The following TFF3 variants were observed in gnomAD, a reference collection of about 807,000 sequenced individuals.
The protein encoded by TFF3 is trefoil factor 3.
Under a neutral mutation model 9.7 loss-of-function variants are expected in TFF3, and 6 were observed. The ratio of observed to expected loss-of-function variants is 0.62; its 90% CI spans 0.34 to 1.22. The LOEUF is 1.22. Ranked by LOEUF, TFF3 falls within the 50% of genes most tolerant of loss-of-function variation. The probability of loss-of-function intolerance (pLI) is 0.04; values close to 1 mark genes in which losing one functional copy is unlikely to be tolerated. For synonymous variants in TFF3, 48 were observed against 41.4 expected, an observed-to-expected ratio of 1.16 and a Z score of -0.61; for missense variants, 93 against 98.6, an observed-to-expected ratio of 0.94 and a Z score of 0.24.
chr21:42,314,766 G>A (rs139058195), intron 1 of TFF3, among the ~76,000 whole-genome samples: 11 of 152,262 alleles, frequency 7.2e-5, no homozygotes, highest in African/African-American at 2.2e-4. Flanking sequence ...CTGCAAGTTC[G>A]GGAACCACTG....
rs117527710 is a variant in TFF3 at position 42,312,388 on chromosome 21, G to A, written c.230-119C>T. 7.9e-3 allele frequency: 10,016 copies of A among 1,268,936 alleles called. 58 individuals are homozygous for A. Among genetic ancestry groups the A allele is most frequent in the Non-Finnish European group, 9.5e-3 (8,716 of 920,952 alleles). 78.6% of individuals were successfully genotyped at this position (1,268,936 alleles called of 1,614,324 possible). ...GTGCTGCCTCCTCCCCAGAGTCACC[G>A]GGGAGTGTTGAGTCCCCACCACATG... On this transcript the variant is annotated intron_variant, in intron 2 of 2. Coordinates refer to ENST00000518498, the MANE Select transcript of TFF3 (RefSeq NM_003226.4).
chr21:42,311,868 G>C lies in TFF3; in HGVS notation c.*388C>G, dbSNP rs994372017. 2.7e-6 allele frequency: 1 copy of C among 364,326 alleles called. No individual in the cohort carries two copies. Among genetic ancestry groups the C allele is most frequent in the Non-Finnish European group, 5.1e-6 (1 of 197,954 alleles). 22.6% of individuals were successfully genotyped at this position (364,326 alleles called of 1,614,324 possible). On this transcript the variant is annotated 3_prime_UTR_variant, in exon 3 of 3. Transcript: ENST00000518498. Reference sequence around the variant, plus strand: ...ATTTTTTCTGCTTTCCCGAGGAAGCGGCACTTACAGTGTTCCTAGGCTTTC... The same window carrying C: ...ATTTTTTCTGCTTTCCCGAGGAAGCCGCACTTACAGTGTTCCTAGGCTTTC...
At chr21:42,312,302 C>T (rs780872091) in intron 2 of TFF3, 33 bp from the exon 3 acceptor site, 4 of 1,572,298 alleles carry the variant, frequency 2.5e-6, no homozygotes, top group Non-Finnish European at 3.5e-6. Flanking sequence ...TGTGAGCAGT[C>T]TCTCTCCACC....
Position 42,313,395 on chromosome 21 carries a change from C to T in TFF3, c.229+90G>A. 2 of 1,474,824 alleles carry T rather than the reference C, an allele frequency of 1.4e-6. No homozygotes were observed. The highest frequency in any genetic ancestry group is 4.8e-5 in the East Asian group (2 of 41,260). The allele number at this position is 1,474,824 out of a possible 1,614,324, so 91.4% of individuals were successfully genotyped here. A position where few individuals can be genotyped will look rare whatever the true frequency, so the allele number is the denominator to read the frequency against. On this transcript the variant is annotated intron_variant, in intron 2 of 2. Coordinates refer to ENST00000518498, the MANE Select transcript of TFF3 (RefSeq NM_003226.4). This position sits in a 1 kb window ranked among gnomAD's most constrained non-coding sequence, Gnocchi z 4.0. ...GTGTGGCTTCCTGGGGTCCTTGTGCCTCCATCTCCAGCCCAGAAAGGACAG... is the reference window on the plus strand; with the variant it reads ...GTGTGGCTTCCTGGGGTCCTTGTGCTTCCATCTCCAGCCCAGAAAGGACAG...
Position 42,312,321 on chromosome 21 carries a change from C to T in TFF3, c.230-52G>A. The T allele has an allele frequency of 3.2e-6, 5 of 1,547,262 alleles. No individual in the cohort carries two copies. In the South Asian group the frequency reaches 6.3e-5, roughly 20 times the overall value. On this transcript the variant is annotated intron_variant, in intron 2 of 2. Coordinates refer to ENST00000518498, the MANE Select transcript of TFF3 (RefSeq NM_003226.4). ...AGCAGTCTCTCTCCACCCACGCTGC[C>T]CAGCTTCCCAAGGTCAGGGCAGGCT...
Position 42,312,113 on chromosome 21 carries a change from C to T in TFF3, c.*143G>A, listed in dbSNP as rs552818833. On this transcript the variant is annotated 3_prime_UTR_variant, in exon 3 of 3. Transcript: ENST00000518498. ...GACCTTTATTCGTTAAGACATCAGG[C>T]TCCAGATATGAACTTTCAGCAGAAG... 2 of 1,105,848 alleles carry T rather than the reference C, an allele frequency of 1.8e-6. No individual in the cohort carries two copies. Among genetic ancestry groups the T allele is most frequent in the Non-Finnish European group, 2.8e-6 (2 of 718,496 alleles). 68.5% of individuals were successfully genotyped at this position (1,105,848 alleles called of 1,614,324 possible). A position where few individuals can be genotyped will look rare whatever the true frequency, so the allele number is the denominator to read the frequency against.
In TFF3 at chr21:42,313,599, T is replaced by C. The variant is rs377242858; in HGVS notation, c.115A>G (p.Arg39Gly). 6.2e-7 allele frequency: 1 copy of C among 1,610,792 alleles called. No individual in the cohort carries two copies. The highest frequency in any genetic ancestry group is 8.5e-7 in the Non-Finnish European group (1 of 1,179,378). The change falls in exon 2 of 3, where the codon AGG (arginine) becomes GGG (glycine). Residue 39 changes from arginine (R) to glycine (G), a missense_variant. Coordinates refer to ENST00000518498, the MANE Select transcript of TFF3 (RefSeq NM_003226.4). This position sits in a 1 kb window ranked among gnomAD's most constrained non-coding sequence, Gnocchi z 4.0. ...ANQCAVPAKD[R>G]VDCGYPHVTP... ...ACATGGGGGTAGCCGCAGTCCACCC[T>C]GTCCTTGGCTGGCACGGCACACTGG... is the stretch of plus-strand genomic sequence containing the variant.
rs1034460848 is a variant in TFF3, at chr21:42,313,903, G to C, written c.83-272C>G. 6.6e-6 allele frequency among the ~76,000 whole-genome samples: 1 copy of C among 152,116 alleles called. No individual in the cohort carries two copies. The highest frequency in any genetic ancestry group is 2.1e-4 in the South Asian group (1 of 4,826). ...ATCACCTTCTCGGGAAGTCACATAC[G>C]GACCTGGGTACCTTCCAGCTGGCAG... On this transcript the variant is annotated intron_variant, in intron 1 of 2. Transcript: ENST00000518498. The surrounding 1 kb of genome is among the most constrained non-coding windows in gnomAD (Gnocchi z 4.0).
Position 42,313,761 on chromosome 21 carries a change from C to G in TFF3, c.83-130G>C. 1 of 1,094,730 alleles carries G rather than the reference C, an allele frequency of 9.1e-7. No homozygotes were observed. The highest frequency in any genetic ancestry group is 1.3e-6 in the Non-Finnish European group (1 of 793,152). The allele number at this position is 1,094,730 out of a possible 1,614,324, so 67.8% of individuals were successfully genotyped here. ...GCCGAGTTCAACCACTGCTGAAACC[C>G]TCGCCCTTAGGAAGATGCACTTTCC... On this transcript the variant is annotated intron_variant, in intron 1 of 2. Coordinates refer to ENST00000518498, the MANE Select transcript of TFF3 (RefSeq NM_003226.4). The surrounding 1 kb of genome is among the most constrained non-coding windows in gnomAD (Gnocchi z 4.0).
chr21:42,312,228 C>G lies in TFF3; in HGVS notation c.*28G>C, dbSNP rs764160850. 8.1e-6 allele frequency: 13 copies of G among 1,613,558 alleles called. No individual in the cohort carries two copies. Among genetic ancestry groups the G allele is most frequent in the Non-Finnish European group, 1.1e-5 (13 of 1,179,814 alleles). On this transcript the variant is annotated 3_prime_UTR_variant, in exon 3 of 3. Coordinates refer to ENST00000518498, the MANE Select transcript of TFF3 (RefSeq NM_003226.4). ...GGCAAGGGTGCTCCGAGCCTCGCAT[C>G]CCCCGGCCGGGGGCAGCTGGAGGTG...
At chr21:42,312,295 G>A (rs1393072178) in intron 2 of TFF3, 26 bp from the exon 3 acceptor site, 1 of 1,583,942 alleles carries the variant, frequency 6.3e-7, no homozygotes, top group South Asian at 1.2e-5. Context: ...AGGCTTGTGT[G>A]AGCAGTCTCT....
Position 42,312,213 on chromosome 21 carries a change from C to G in TFF3, c.*43G>C. 1 of 1,613,766 alleles carries G rather than the reference C, an allele frequency of 6.2e-7. No homozygotes were observed. The highest frequency in any genetic ancestry group is 1.3e-5 in the African/African-American group (1 of 75,078). Reference sequence around the variant, plus strand: ...CAGCAATCACAGCCGGGCAAGGGTGCTCCGAGCCTCGCATCCCCCGGCCGG... The same window carrying G: ...CAGCAATCACAGCCGGGCAAGGGTGGTCCGAGCCTCGCATCCCCCGGCCGG... On this transcript the variant is annotated 3_prime_UTR_variant, in exon 3 of 3. Transcript: ENST00000518498.
chr21:42,313,681 G>T lies in TFF3; in HGVS notation c.83-50C>A. 1 of 1,562,580 alleles carries T rather than the reference G, an allele frequency of 6.4e-7. No homozygotes were observed. Among genetic ancestry groups the T allele is most frequent in the Non-Finnish European group, 8.7e-7 (1 of 1,152,864 alleles). On this transcript the variant is annotated intron_variant, in intron 1 of 2. Coordinates refer to ENST00000518498, the MANE Select transcript of TFF3 (RefSeq NM_003226.4). The surrounding 1 kb of genome is among the most constrained non-coding windows in gnomAD (Gnocchi z 4.0). Reference sequence around the variant, plus strand: ...CTGCCAGAGCCCTTGCTGGGCTGCGGTGAGTGTGTTTGCTTCACTTTGCAA... The same window carrying T: ...CTGCCAGAGCCCTTGCTGGGCTGCGTTGAGTGTGTTTGCTTCACTTTGCAA...
At position 42,315,403 on chromosome 21, in the gene TFF3, A is replaced by G. The variant is rs1465067399; in HGVS notation, c.-29T>C. The G allele has an allele frequency of 6.2e-7, 1 of 1,614,164 alleles. No homozygotes were observed. The highest frequency in any genetic ancestry group is 8.5e-7 in the Non-Finnish European group (1 of 1,180,002). On this transcript the variant is annotated 5_prime_UTR_variant, in exon 1 of 3. Transcript: ENST00000518498. The stretch of plus-strand genomic sequence containing the variant: ...CACCGTGGGCTCCGGGACGCAGCTC[A>G]GGACTCGCTTCATGGTCCAGGAGGC...
intron 2 of TFF3, 105 bp from the exon 3 acceptor site, chr21:42,312,374 T>A: frequency 6.6e-6 from 9 of 1,363,646 alleles, no homozygotes; most frequent in Non-Finnish European, 9.0e-6. Flanking sequence ...TGCTGCCTCC[T>A]CCCCAGAGTC....
intron 1 of TFF3, 29 bp downstream of exon 1, chr21:42,315,264 G>T: frequency 1.3e-6 from 2 of 1,599,062 alleles, no homozygotes; most frequent in Non-Finnish European, 8.5e-7. Flanking sequence ...CGCCCACCCT[G>T]CCACCGGGGC....
At chr21:42,312,876 C>T (rs1410059119) in intron 2 of TFF3, among the ~76,000 whole-genome samples, 1 of 152,156 alleles carries the variant, frequency 6.6e-6, no homozygotes, top group Non-Finnish European at 1.5e-5. Flanking sequence ...GGCAGCTAAG[C>T]CTGGTGGAGC....
chr21:42,313,351 C>T lies in TFF3; in HGVS notation c.229+134G>A. On this transcript the variant is annotated intron_variant, in intron 2 of 2. Coordinates refer to ENST00000518498, the MANE Select transcript of TFF3 (RefSeq NM_003226.4). The surrounding 1 kb of genome is among the most constrained non-coding windows in gnomAD (Gnocchi z 4.0). Reference sequence around the variant, plus strand: ...TAAGTGTGAAGCCTCTGCTCTGAGGCCTTGGAACAGGTGTGTGTGTGTGGC... The same window carrying T: ...TAAGTGTGAAGCCTCTGCTCTGAGGTCTTGGAACAGGTGTGTGTGTGTGGC... 1.8e-6 allele frequency: 2 copies of T among 1,084,890 alleles called. No homozygotes were observed. The highest frequency in any genetic ancestry group is 2.8e-5 in the Admixed American group (1 of 36,280). 67.2% of individuals were successfully genotyped at this position (1,084,890 alleles called of 1,614,324 possible). A position where few individuals can be genotyped will look rare whatever the true frequency, so the allele number is the denominator to read the frequency against.
rs115871511 is a variant in TFF3, at chr21:42,314,560, C to A, written c.82+733G>T. Among the ~76,000 whole-genome samples the A allele has an allele frequency of 8.0e-3, 1,218 of 152,268 alleles. 13 individuals are homozygous for A. Among genetic ancestry groups the A allele is most frequent in the African/African-American group, 0.025 (1,027 of 41,558 alleles). On this transcript the variant is annotated intron_variant, in intron 1 of 2. Transcript: ENST00000518498. ...ATCCCAGCTACTTGAAGCCGAGGCA[C>A]AAGAATTGCTTGAACCCAGGAGGCG...
Sources: gnomAD v4.1 joint callset for allele counts (sites outside exome capture counted in the v4.1 genomes callset) on GRCh38, gnomAD v4.1.1 for gene constraint, Gnocchi (gnomAD v3.1) non-coding constraint, MANE v1.5 for transcripts, NCBI Gene and HGNC (gene_info 2026-07-23, HGNC 2026-07-21) for gene names.